ACACB: variants seen among roughly 807,000 people sequenced by gnomAD.
ACACB encodes the protein acetyl-CoA carboxylase beta, also known as acetyl-CoA carboxylase 2.
ACACB carries 209 observed loss-of-function variants against 278.8 expected under a neutral mutation model. The ratio of observed to expected loss-of-function variants is 0.75; its 90% CI spans 0.67 to 0.84. The LOEUF is 0.84. Among genes scored for constraint, ACACB ranks in the 40% least tolerant of loss-of-function variants. ACACB has a pLI of 0.00. For synonymous variants in ACACB, 1,174 were observed against 1,285.6 expected (o/e 0.91, Z 1.86); for missense variants, 2,850 against 3,269.0 (o/e 0.87, Z 3.13).
At chr12:109,259,830 G>T (rs2047332234) in intron 47 of ACACB, among the ~76,000 whole-genome samples, 1 of 152,200 alleles carries the variant, frequency 6.6e-6, no homozygotes, top group South Asian at 2.1e-4. Flanking sequence ...TTTTGGGAGA[G>T]AGTGGCTGTT....
intron 1 of ACACB, among the ~76,000 whole-genome samples, chr12:109,137,634 T>C (rs2043000079): frequency 6.6e-6 from 1 of 151,110 alleles, no homozygotes; most frequent in African/African-American, 2.4e-5. Context: ...TGCTCCCACC[T>C]GGGCGACAGG....
At chr12:109,196,390 G>T (rs975561832) in intron 16 of ACACB, among the ~76,000 whole-genome samples, 2 of 152,190 alleles carry the variant, frequency 1.3e-5, no homozygotes, top group African/African-American at 2.4e-5. Flanking sequence ...TCAATATCAA[G>T]ATACTGGCAG....
At chr12:109,247,088 A>C (rs1455920159) in intron 39 of ACACB, among the ~76,000 whole-genome samples, 1 of 152,152 alleles carries the variant, frequency 6.6e-6, no homozygotes, top group Non-Finnish European at 1.5e-5. Context: ...CATCTCAAAA[A>C]AAAAGAAAAA....
chr12:109,213,050 T>G lies in ACACB; in HGVS notation c.3350+114T>G, dbSNP rs566017880. 1.4e-5 allele frequency: 12 copies of G among 847,904 alleles called. No individual in the cohort carries two copies. In the South Asian group the frequency reaches 1.7e-4, roughly 12 times the overall value. The allele number at this position is 847,904 out of a possible 1,614,324, so 52.5% of individuals were successfully genotyped here. A position where few individuals can be genotyped will look rare whatever the true frequency, so the allele number is the denominator to read the frequency against. On this transcript the variant is annotated intron_variant, in intron 22 of 52. Coordinates refer to ENST00000338432, the MANE Select transcript of ACACB (RefSeq NM_001093.4). ...GGCAGGCTTGAACTGAGAGAAAGTG[T>G]GTTATAGTCCTGCAGTGCCATTACT...
At chr12:109,141,431 G>T (rs2043122541) in intron 2 of ACACB, among the ~76,000 whole-genome samples, 1 of 152,116 alleles carries the variant, frequency 6.6e-6, no homozygotes, top group South Asian at 2.1e-4. Flanking sequence ...AATTACAAAT[G>T]GAATACAGCA....
intron 3 of ACACB, chr12:109,167,345 G>C (rs528879143): frequency 3.4e-4 from 64 of 189,538 alleles, no homozygotes; most frequent in East Asian, 3.2e-3. Context: ...CACTTTGGGA[G>C]GGTGAGGTGG....
chr12:109,222,703 T>C, intron 25 of ACACB, 83 bp downstream of exon 25: 2 of 1,512,974 alleles, frequency 1.3e-6, no homozygotes, highest in Non-Finnish European at 1.8e-6. Flanking sequence ...GCCCTCACCA[T>C]GCACAGTCCC....
rs529955177 is a variant in ACACB, at chr12:109,221,893, T to G, written c.3565-614T>G. 5.2e-3 allele frequency among the ~76,000 whole-genome samples: 632 copies of G among 120,524 alleles called. 10 individuals carry two copies. Among genetic ancestry groups the G allele is most frequent in the African/African-American group, 0.018 (504 of 27,608 alleles). The allele number at this position is 120,524 out of a possible 152,430, so 79.1% of individuals were successfully genotyped here. A position where few individuals can be genotyped will look rare whatever the true frequency, so the allele number is the denominator to read the frequency against. On this transcript the variant is annotated intron_variant, in intron 24 of 52. Transcript: ENST00000338432. ...TAATCACTGACCTTTTTTTTTTTTT[T>G]TGGGGGGGAGACAGAGTCTGGCTCT...
chr12:109,192,026 T>C, intron 15 of ACACB, 76 bp downstream of exon 15: 1 of 1,470,300 alleles, frequency 6.8e-7, no homozygotes, highest in Non-Finnish European at 9.4e-7. Flanking sequence ...GTCTCCTTTA[T>C]TTGTGTGGCC....
Position 109,246,284 on chromosome 12 carries a change from G to A in ACACB, c.5407G>A (p.Gly1803Ser). Reference sequence around the variant, plus strand: ...CATCACCTTTCGCATTGGATCCTTTGGCCCTGGAGAGGACCTTCTGTACCT... The same window carrying A: ...CATCACCTTTCGCATTGGATCCTTTAGCCCTGGAGAGGACCTTCTGTACCT... ...NDITFRIGSF[G>S]PGEDLLYLRA... The change falls in exon 39 of 53, where the codon GGC (glycine) becomes AGC (serine). Residue 1803 changes from glycine (G) to serine (S), a missense_variant. Physicochemically the swap from Gly to Ser is moderately conservative, Grantham distance 56. This residue lies in a region of ACACB where 2,265 missense variants were observed against 2,561.3 expected (regional missense o/e 0.88). Transcript: ENST00000338432. 1 of 1,613,048 alleles carries A rather than the reference G, an allele frequency of 6.2e-7. No individual in the cohort carries two copies. Among genetic ancestry groups the A allele is most frequent in the Non-Finnish European group, 8.5e-7 (1 of 1,179,846 alleles).
At chr12:109,212,396 A>T (rs772615608) in intron 21 of ACACB, among the ~76,000 whole-genome samples, 7 of 152,206 alleles carry the variant, frequency 4.6e-5, no homozygotes, top group Non-Finnish European at 7.3e-5. Flanking sequence ...GTAATATATA[A>T]TGAAATAATT....
chr12:109,206,683 C>T (rs370162975), intron 19 of ACACB, 27 bp from the exon 20 acceptor site: 2 of 1,612,234 alleles, frequency 1.2e-6, no homozygotes, highest in African/African-American at 2.7e-5. Context: ...GTTTTCCTGA[C>T]CTGTCGTTCT....
In ACACB at chr12:109,123,068, C is replaced by T. The variant is rs182703165; in HGVS notation, c.-10+6364C>T. ...TGGTGGCAGGTGCCTGTAGTCCCAGCTACTCAGGAGGTTGAGGCAGGAGAA... is the reference window on the plus strand; with the variant it reads ...TGGTGGCAGGTGCCTGTAGTCCCAGTTACTCAGGAGGTTGAGGCAGGAGAA... On this transcript the variant is annotated intron_variant, in intron 1 of 52. Transcript: ENST00000338432. Among the ~76,000 whole-genome samples, 3 of 151,822 alleles carry T rather than the reference C, an allele frequency of 2.0e-5. No homozygotes were observed. In the East Asian group the frequency reaches 5.8e-4, roughly 30 times the overall value.
At chr12:109,138,826 C>T (rs750212670) in intron 1 of ACACB, among the ~76,000 whole-genome samples, 6 of 152,142 alleles carry the variant, frequency 3.9e-5, no homozygotes, top group Admixed American at 3.9e-4. Flanking sequence ...GCACTCCAGC[C>T]TGGGCAACAA....
chr12:109,232,639 C>T, intron 28 of ACACB, 30 bp from the exon 29 acceptor site: 1 of 1,606,700 alleles, frequency 6.2e-7, no homozygotes, highest in Non-Finnish European at 8.5e-7. Flanking sequence ...CAAGCAGCTG[C>T]CTCATCCCCG....
rs761986226 is a variant in ACACB at position 109,241,243 on chromosome 12, A to T, written c.4984A>T (p.Ser1662Cys). The part of the protein sequence containing the change: ...TNESGYYLDI[S>C]LYKEVTDSRS... ...TGAGTCGGGCTACTACCTGGACATC[A>T]GCCTCTACAAAGAAGTGACTGACTC... The change falls in exon 36 of 53, where the codon AGC becomes TGC. Residue 1662 changes from serine (S) to cysteine (C), a missense_variant. Around this residue, in one of 3 missense-constraint regions of ACACB, gnomAD observed 2,265 missense variants for 2,561.3 expected, o/e 0.88. Transcript: ENST00000338432. 4 of 1,614,228 alleles carry T rather than the reference A, an allele frequency of 2.5e-6. No individual in the cohort carries two copies. The Admixed American group carries it at 6.7e-5, about 27-fold the overall frequency.
intron 2 of ACACB, among the ~76,000 whole-genome samples, chr12:109,140,339 CTT>C (rs2043091018): frequency 1.0e-5 from 1 of 95,718 alleles, no homozygotes; most frequent in Non-Finnish European, 2.2e-5. Context: ...TCCTTCCTTC[CTT>C]CCTTCCTTCC....
intron 2 of ACACB, among the ~76,000 whole-genome samples, chr12:109,147,817 GATGAATGAATGGATGA>G (rs2043280091): frequency 6.6e-6 from 1 of 151,704 alleles, no homozygotes; most frequent in African/African-American, 2.4e-5. Context: ...TGAACGAATG[GATGAATGAATGGATGA>G]ATGAATGAAT....
chr12:109,208,359 G>T (rs541244534), intron 20 of ACACB, among the ~76,000 whole-genome samples: 1 of 151,840 alleles, frequency 6.6e-6, no homozygotes, highest in Admixed American at 6.6e-5. Context: ...GGGGTTACAG[G>T]TGCCTGCCAC....
Sources: allele counts gnomAD v4.1 joint callset (sites outside exome capture counted in the v4.1 genomes callset), GRCh38; gene constraint gnomAD v4.1.1; regional missense constraint gnomAD v4.1.1; transcripts MANE v1.5; gene names NCBI Gene and HGNC (gene_info 2026-07-23, HGNC 2026-07-21).